The following KLHL29 variants were observed in gnomAD, a reference collection of about 807,000 sequenced individuals.
KLHL29 encodes kelch-like protein 29.
In KLHL29, 21 loss-of-function variants were observed where a neutral mutation model predicts 80.4. The ratio of observed to expected loss-of-function variants is 0.26; its 90% CI spans 0.19 to 0.38. KLHL29 has a LOEUF of 0.38. KLHL29 is among the 10% of genes least tolerant of loss of function. KLHL29 has a pLI of 1.00. For synonymous variants in KLHL29, 511 were observed against 526.8 expected, an observed-to-expected ratio of 0.97 and a Z score of 0.41; for missense variants, 867 against 1,223.9, an observed-to-expected ratio of 0.71 and a Z score of 4.35.
chr2:23,586,721 G>T (rs146307874), intron 3 of KLHL29, among the ~76,000 whole-genome samples: 15 of 152,296 alleles, frequency 9.8e-5, no homozygotes, highest in African/African-American at 3.6e-4. Context: ...TTTAGCTGAT[G>T]TTGGGGAGGG....
At position 23,684,957 on chromosome 2, in the gene KLHL29, G is replaced by A. The variant is rs952956317; in HGVS notation, c.1079+420G>A. ...CCCCAGTGCCATCGTCCCTGCTGTC[G>A]GTGGTGACTAATGCCAGGAAAGCGC... is the stretch of plus-strand genomic sequence containing the variant. On this transcript the variant is annotated intron_variant, in intron 6 of 13. Transcript: ENST00000486442. This position sits in a 1 kb window ranked among gnomAD's most constrained non-coding sequence, Gnocchi z 4.4. Among the ~76,000 whole-genome samples the A allele has an allele frequency of 2.0e-5, 3 of 152,316 alleles. No individual in the cohort carries two copies. Among genetic ancestry groups the A allele is most frequent in the South Asian group, 4.1e-4 (2 of 4,820 alleles).
intron 1 of KLHL29, among the ~76,000 whole-genome samples, chr2:23,405,513 A>G (rs1666701658): frequency 6.6e-6 from 1 of 152,212 alleles, no homozygotes; most frequent in Admixed American, 6.5e-5. Context: ...CTCCTTTTCC[A>G]TGGCCTATGA....
At chr2:23,445,239 C>G (rs1663638163) in intron 1 of KLHL29, among the ~76,000 whole-genome samples, 1 of 152,220 alleles carries the variant, frequency 6.6e-6, no homozygotes, top group Admixed American at 6.5e-5. Flanking sequence ...CCTGTCTTTT[C>G]TGCTCCATTC....
intron 3 of KLHL29, among the ~76,000 whole-genome samples, chr2:23,590,454 A>C (rs1183100106): frequency 6.6e-6 from 1 of 152,076 alleles, no homozygotes; most frequent in African/African-American, 2.4e-5. Context: ...TTGTTTTTGC[A>C]TCTGCCCCTG....
At chr2:23,488,380 G>A (rs537714586) in intron 2 of KLHL29, among the ~76,000 whole-genome samples, 2 of 152,186 alleles carry the variant, frequency 1.3e-5, no homozygotes, top group Non-Finnish European at 1.5e-5. Context: ...CCCGTCTCCC[G>A]CTCAGTCTCG....
rs568736511 is a variant in KLHL29 at position 23,404,260 on chromosome 2, C to T, written c.-154+18480C>T. On this transcript the variant is annotated intron_variant, in intron 1 of 13. Coordinates refer to ENST00000486442, the MANE Select transcript of KLHL29 (RefSeq NM_052920.2). Reference sequence around the variant, plus strand: ...AGCAGAAAAAGAGGCAGATTCTGGGCGATGACTATTAAAAAAAAAATCACT... The same window carrying T: ...AGCAGAAAAAGAGGCAGATTCTGGGTGATGACTATTAAAAAAAAAATCACT... 2.0e-3 allele frequency among the ~76,000 whole-genome samples: 213 copies of T among 107,204 alleles called. 1 individual carries two copies. The highest frequency in any genetic ancestry group is 6.3e-3 in the African/African-American group (202 of 32,048). The allele number at this position is 107,204 out of a possible 152,430, so 70.3% of individuals were successfully genotyped here.
At position 23,700,684 on chromosome 2, in the gene KLHL29, A is replaced by C. The variant is rs1672306849; in HGVS notation, c.2106-2502A>C. 6.6e-6 allele frequency among the ~76,000 whole-genome samples: 1 copy of C among 152,036 alleles called. No individual in the cohort carries two copies. Among genetic ancestry groups the C allele is most frequent in the Non-Finnish European group, 1.5e-5 (1 of 68,010 alleles). Reference sequence around the variant, plus strand: ...TAGGTCCTACCTTCTGTGCCTCTTCACAGCTAAATTTCTTCCAAAAGAAGT... The same window carrying C: ...TAGGTCCTACCTTCTGTGCCTCTTCCCAGCTAAATTTCTTCCAAAAGAAGT... On this transcript the variant is annotated intron_variant, in intron 11 of 13. Transcript: ENST00000486442. This position sits in a 1 kb window ranked among gnomAD's most constrained non-coding sequence, Gnocchi z 4.6.
At chr2:23,392,177 A>G (rs1217382916) in intron 1 of KLHL29, among the ~76,000 whole-genome samples, 1 of 152,212 alleles carries the variant, frequency 6.6e-6, no homozygotes, top group Non-Finnish European at 1.5e-5. Flanking sequence ...GCTTAGGAAA[A>G]GTAGCTGTGG....
At chr2:23,430,817 G>C (rs950259933) in intron 1 of KLHL29, among the ~76,000 whole-genome samples, 2 of 152,130 alleles carry the variant, frequency 1.3e-5, no homozygotes, top group African/African-American at 2.4e-5. Flanking sequence ...ATTTGGTCCA[G>C]CCTTTCCATT....
chr2:23,535,743 G>C (rs1456889836), intron 2 of KLHL29, among the ~76,000 whole-genome samples: 6 of 152,248 alleles, frequency 3.9e-5, no homozygotes, highest in African/African-American at 1.2e-4. Flanking sequence ...TGGGTGCCAG[G>C]GTTTCGGGGA....
intron 2 of KLHL29, among the ~76,000 whole-genome samples, chr2:23,553,562 C>A (rs1213330909): frequency 6.6e-6 from 1 of 152,232 alleles, no homozygotes; most frequent in Admixed American, 6.5e-5. Context: ...ACCTCACCCC[C>A]TGAGGAATAT....
At chr2:23,605,208 C>T (rs1668676740) in intron 3 of KLHL29, among the ~76,000 whole-genome samples, 1 of 150,002 alleles carries the variant, frequency 6.7e-6, no homozygotes, top group Non-Finnish European at 1.5e-5. Context: ...GCTTCCCAGG[C>T]TCAAGGGATC....
Position 23,682,261 on chromosome 2 carries a change from AGC to A in KLHL29, c.941-2135_941-2134del, listed in dbSNP as rs1471892274. 1.3e-5 allele frequency among the ~76,000 whole-genome samples: 2 copies of A among 152,004 alleles called. No individual in the cohort carries two copies. The highest frequency in any genetic ancestry group is 2.9e-5 in the Non-Finnish European group (2 of 67,996). ...CAGCACTGCACACTCCCACCCGCTG[AGC>A]GCTCCCTGTGTGCCCGCCACATGCT... On this transcript the variant is annotated intron_variant, in intron 5 of 13. Transcript: ENST00000486442. The surrounding 1 kb of genome is among the most constrained non-coding windows in gnomAD (Gnocchi z 4.1).
At chr2:23,492,290 A>G (rs1255659721) in intron 2 of KLHL29, among the ~76,000 whole-genome samples, 1 of 152,100 alleles carries the variant, frequency 6.6e-6, no homozygotes, top group Non-Finnish European at 1.5e-5. Context: ...TGAATCAACC[A>G]TTCCTCCTTG....
chr2:23,704,275 C>T lies in KLHL29; in HGVS notation c.2444+412C>T, dbSNP rs752844495. Among the ~76,000 whole-genome samples, 16 of 152,214 alleles carry T rather than the reference C, an allele frequency of 1.1e-4. No homozygotes were observed. In the South Asian group the frequency reaches 2.1e-3, roughly 20 times the overall value. ...GAATGCTCTGAGGACATGAACGATC[C>T]TGATGGCTTTGGGAGCTGTGCTCAG... On this transcript the variant is annotated intron_variant, in intron 13 of 13. Transcript: ENST00000486442.
intron 4 of KLHL29, 21 bp downstream of exon 4, chr2:23,639,301 T>G: frequency 6.5e-7 from 1 of 1,542,660 alleles, no homozygotes; most frequent in South Asian, 1.2e-5. Context: ...CATCGGCAGA[T>G]AGAAACGACT....
At chr2:23,518,612 C>T (rs546186770) in intron 2 of KLHL29, among the ~76,000 whole-genome samples, 1 of 152,146 alleles carries the variant, frequency 6.6e-6, no homozygotes, top group African/African-American at 2.4e-5. Flanking sequence ...CTGGTGTGGG[C>T]GCTGTAGCAC....
intron 1 of KLHL29, among the ~76,000 whole-genome samples, chr2:23,469,825 G>A (rs1375982021): frequency 6.6e-6 from 1 of 152,122 alleles, no homozygotes; most frequent in African/African-American, 2.4e-5. Flanking sequence ...GGTAGGTCCA[G>A]TTGGCACCTT....
At chr2:23,698,800 A>AGAT (rs1201524059) in intron 11 of KLHL29, among the ~76,000 whole-genome samples, 1 of 152,200 alleles carries the variant, frequency 6.6e-6, no homozygotes, top group African/African-American at 2.4e-5. Context: ...GGAAGCTGAC[A>AGAT]GATTGAGCTG....
Sources: allele counts gnomAD v4.1 joint callset (sites outside exome capture counted in the v4.1 genomes callset), GRCh38; gene constraint gnomAD v4.1.1; non-coding constraint Gnocchi (gnomAD v3.1); transcripts MANE v1.5; gene names NCBI Gene and HGNC (gene_info 2026-07-23, HGNC 2026-07-21).